ARHGEF3: variants seen among roughly 807,000 people sequenced by gnomAD.
The protein encoded by ARHGEF3 is Rho guanine nucleotide exchange factor 3, also known as 59.8 kDA protein.
In ARHGEF3, 28 loss-of-function variants were observed where a neutral mutation model predicts 63.2. The observed-to-expected ratio is 0.44, with a 90% CI of 0.33 to 0.61. The LOEUF (loss-of-function observed/expected upper bound fraction) is 0.61. ARHGEF3 is among the 20% of genes least tolerant of loss of function. The pLI is 0.03. For synonymous variants in ARHGEF3, 266 were observed against 254.2 expected (o/e 1.05, Z -0.44); for missense variants, 533 against 659.3 (o/e 0.81, Z 2.10).
At chr3:56,956,205 G>A (rs1251504616) in intron 3 of ARHGEF3, among the ~76,000 whole-genome samples, 1 of 113,606 alleles carries the variant, frequency 8.8e-6, no homozygotes, top group East Asian at 2.5e-4. Context: ...ATTAGCCAGG[G>A]GCAGGGTTGG....
chr3:56,861,152 T>C (rs1464112549), intron 4 of ARHGEF3, among the ~76,000 whole-genome samples: 1 of 152,192 alleles, frequency 6.6e-6, no homozygotes, highest in Non-Finnish European at 1.5e-5. Context: ...AGGCTTGTTA[T>C]GTAGGCAGAG....
At chr3:57,010,630 T>C (rs1013578543) in intron 2 of ARHGEF3, among the ~76,000 whole-genome samples, 1 of 152,154 alleles carries the variant, frequency 6.6e-6, no homozygotes, top group Non-Finnish European at 1.5e-5. Flanking sequence ...TGACTATCTA[T>C]AACCTGTACC....
intron 4 of ARHGEF3, among the ~76,000 whole-genome samples, chr3:56,857,469 CA>C (rs1228331820): frequency 6.6e-6 from 1 of 152,208 alleles, no homozygotes; most frequent in East Asian, 1.9e-4. Flanking sequence ...AGCCATCTTG[CA>C]ACCATGAGGG....
chr3:56,943,748 C>G (rs1411802035), intron 3 of ARHGEF3, among the ~76,000 whole-genome samples: 2 of 152,094 alleles, frequency 1.3e-5, no homozygotes, highest in Non-Finnish European at 2.9e-5. Flanking sequence ...AACCCCATCT[C>G]TACTAAAAAT....
At chr3:56,849,663 G>A (rs1453209121) in intron 4 of ARHGEF3, among the ~76,000 whole-genome samples, 7 of 31,228 alleles carry the variant, frequency 2.2e-4, no homozygotes, top group South Asian at 3.9e-3. Flanking sequence ...CCTCATCTCT[G>A]AGTAAAAAAA....
chr3:57,046,297 C>G (rs1425712589), intron 1 of ARHGEF3, among the ~76,000 whole-genome samples: 1 of 152,152 alleles, frequency 6.6e-6, no homozygotes, highest in Non-Finnish European at 1.5e-5. Context: ...CAGTTGGAAC[C>G]GGACAATAGG....
At chr3:57,051,858 G>A (rs1262700525) in intron 1 of ARHGEF3, among the ~76,000 whole-genome samples, 1 of 152,118 alleles carries the variant, frequency 6.6e-6, no homozygotes, top group African/African-American at 2.4e-5. Context: ...CAGCTACTTG[G>A]GAGGCTGAGA....
intron 4 of ARHGEF3, among the ~76,000 whole-genome samples, chr3:56,841,402 A>G (rs1034222250): frequency 1.3e-5 from 2 of 152,132 alleles, no homozygotes; most frequent in Non-Finnish European, 2.9e-5. Context: ...GAGATCTTCC[A>G]TGTCCTCCAT....
intron 4 of ARHGEF3, among the ~76,000 whole-genome samples, chr3:56,853,493 C>T (rs747495239): frequency 1.3e-4 from 19 of 151,988 alleles, no homozygotes; most frequent in African/African-American, 1.9e-4. Context: ...TGTGCCACCA[C>T]GCCTGGCTAA....
chr3:57,002,919 G>A (rs1428773606), intron 2 of ARHGEF3, among the ~76,000 whole-genome samples: 2 of 151,018 alleles, frequency 1.3e-5, no homozygotes, highest in Admixed American at 6.6e-5. Context: ...GACTACAGGC[G>A]CACGCCACCA....
chr3:57,002,485 A>ATATATATATATGT (rs1368482345), intron 2 of ARHGEF3, among the ~76,000 whole-genome samples: 7 of 45,070 alleles, frequency 1.6e-4, no homozygotes, highest in Admixed American at 2.7e-4. Context: ...TATGTTATAT[A>ATATATATATATGT]TATATATATA....
In ARHGEF3 at chr3:56,908,628, C is replaced by T. The variant is rs80125381; in HGVS notation, c.130-26274G>A. 4.8e-3 allele frequency among the ~76,000 whole-genome samples: 730 copies of T among 152,168 alleles called. 2 individuals are homozygous for T. Among genetic ancestry groups the T allele is most frequent in the African/African-American group, 0.017 (700 of 41,518 alleles). On this transcript the variant is annotated intron_variant, in intron 3 of 12. Transcript: ENST00000338458. ...ATAAAACTGATACATCAGAATGGACCCTGTATTCTGAAAAGGTACTGAGGG... is the reference window on the plus strand; with the variant it reads ...ATAAAACTGATACATCAGAATGGACTCTGTATTCTGAAAAGGTACTGAGGG...
chr3:56,803,356 T>G (rs2037744017), upstream of ARHGEF3, among the ~76,000 whole-genome samples: 1 of 151,776 alleles, frequency 6.6e-6, no homozygotes, highest in Admixed American at 6.6e-5. Flanking sequence ...GGAGGATCAC[T>G]TGAGCCTGGG....
intron 7 of ARHGEF3, among the ~76,000 whole-genome samples, chr3:56,744,217 C>T (rs2034232326): frequency 6.6e-6 from 1 of 152,068 alleles, no homozygotes; most frequent in South Asian, 2.1e-4. Context: ...CACCCGCTCC[C>T]CGTGGCCTGC....
intron 1 of ARHGEF3, among the ~76,000 whole-genome samples, chr3:56,799,283 G>C (rs1296983086): frequency 6.6e-6 from 1 of 152,138 alleles, no homozygotes; most frequent in African/African-American, 2.4e-5. Context: ...GTCAATGCTA[G>C]AAGGCACTTC....
intron 2 of ARHGEF3, among the ~76,000 whole-genome samples, chr3:56,991,036 G>A (rs1197928179): frequency 6.6e-6 from 1 of 152,004 alleles, no homozygotes; most frequent in East Asian, 1.9e-4. Context: ...TTGTTCTTAA[G>A]ACCCAGTTCC....
At chr3:56,874,499 G>A (rs1276887035) in intron 4 of ARHGEF3, among the ~76,000 whole-genome samples, 2 of 152,116 alleles carry the variant, frequency 1.3e-5, no homozygotes, top group African/African-American at 2.4e-5. Flanking sequence ...AATAAATCTC[G>A]CTGCTATTCC....
chr3:57,058,694 G>T (rs949506384), intron 1 of ARHGEF3, among the ~76,000 whole-genome samples: 4 of 151,998 alleles, frequency 2.6e-5, no homozygotes, highest in Non-Finnish European at 1.5e-5. Context: ...ACATGCACAC[G>T]TATGTTTATT....
At chr3:56,996,887 A>T (rs1032799307) in intron 2 of ARHGEF3, among the ~76,000 whole-genome samples, 320 of 102,474 alleles carry the variant, frequency 3.1e-3, no homozygotes, top group African/African-American at 7.5e-3. Flanking sequence ...TATTATTATT[A>T]TTATTTTTTT....
Sources: gnomAD v4.1 joint callset for allele counts (sites outside exome capture counted in the v4.1 genomes callset) on GRCh38, gnomAD v4.1.1 for gene constraint, MANE v1.5 for transcripts, NCBI Gene and HGNC (gene_info 2026-07-23, HGNC 2026-07-21) for gene names.